Variants in CS observed in about 807,000 individuals in gnomAD.
CS encodes citrate synthase, mitochondrial.
CS carries 13 observed loss-of-function variants against 61.4 expected under a neutral mutation model. The observed-to-expected ratio is 0.21, with a 90% CI of 0.14 to 0.34. The LOEUF is 0.34. Among genes scored for constraint, CS ranks in the 10% least tolerant of loss-of-function variants. The probability of loss-of-function intolerance (pLI) is 1.00; values close to 1 mark genes in which losing one functional copy is unlikely to be tolerated. For synonymous variants in CS, 159 were observed against 215.2 expected (o/e 0.74, Z 2.29); for missense variants, 278 against 573.4 (o/e 0.48, Z 5.26).
intron 9 of CS, 155 bp from the exon 10 acceptor site, chr12:56,273,951 A>G: frequency 4.8e-6 from 3 of 624,316 alleles, no homozygotes; most frequent in Admixed American, 2.4e-5. Flanking sequence ...CTCCCACTTC[A>G]GCCTCCAGAG....
intron 1 of CS, chr12:56,291,108 G>T: frequency 2.1e-6 from 1 of 473,276 alleles, no homozygotes; most frequent in Non-Finnish European, 3.3e-6. Flanking sequence ...TTTCAGAGTA[G>T]TTAAGTAAAC....
chr12:56,298,516 G>T, intron 1 of CS: 1 of 455,064 alleles, frequency 2.2e-6, no homozygotes, highest in Non-Finnish European at 2.9e-6. Flanking sequence ...ATCTGGTCTG[G>T]GTTAGCAGCT....
At chr12:56,283,020 T>A (rs1443078049) in intron 4 of CS, 29 bp from the exon 5 acceptor site, 1 of 1,612,702 alleles carries the variant, frequency 6.2e-7, no homozygotes, top group African/African-American at 1.3e-5. Flanking sequence ...GAATTACAAC[T>A]CAAGTTTATA....
chr12:56,273,384 T>C (rs1478617402), intron 10 of CS, 130 bp from the exon 11 acceptor site: 17 of 1,063,890 alleles, frequency 1.6e-5, no homozygotes, highest in African/African-American at 4.8e-5. Context: ...CAACCTTAAA[T>C]AGAAATGACA....
At chr12:56,288,801 A>C (rs1873024587) in intron 1 of CS, among the ~76,000 whole-genome samples, 1 of 142,854 alleles carries the variant, frequency 7.0e-6, no homozygotes, top group Non-Finnish European at 1.5e-5. Context: ...GGCGCACATC[A>C]CCAAGCCCAG....
At chr12:56,278,701 C>T (rs1289894210) in intron 6 of CS, among the ~76,000 whole-genome samples, 1 of 149,832 alleles carries the variant, frequency 6.7e-6, no homozygotes, top group African/African-American at 2.5e-5. Flanking sequence ...CGTGCCACTG[C>T]ACTGCAGCCT....
Position 56,282,904 on chromosome 12 carries a change from A to C in CS, c.355T>G (p.Leu119Val). The C allele has an allele frequency of 1.2e-6, 2 of 1,614,182 alleles. No individual in the cohort carries two copies. Among genetic ancestry groups the C allele is most frequent in the Non-Finnish European group, 1.7e-6 (2 of 1,180,044 alleles). ...TGTCCAGTTACCAGCAGCCAAAATA[A>C]GCCCTCAGGCAGGGGTTCTTCCCCA... ...KGGEEPLPEG[L>V]FWLLVTGHIP... Residue 119 changes from leucine to valine, a missense_variant, in exon 5 of 11, where the codon TTA (leucine) becomes GTA (valine). Leu to Val is a conservative substitution (Grantham distance 32). Around this residue, in one of 2 missense-constraint regions of CS, gnomAD observed 223 missense variants for 503.5 expected, o/e 0.44. Transcript: ENST00000351328.
intron 1 of CS, chr12:56,291,182 A>C: frequency 9.4e-7 from 1 of 1,062,958 alleles, no homozygotes; most frequent in Non-Finnish European, 1.2e-6. Flanking sequence ...AATTCAGTAA[A>C]TATTTGTTTC....
chr12:56,286,754 G>A (rs79963328), intron 1 of CS, 109 bp from the exon 2 acceptor site: 15 of 973,876 alleles, frequency 1.5e-5, no homozygotes, highest in Non-Finnish European at 2.2e-5. Context: ...CAGTCTCTTA[G>A]GGCAGTTTGA....
chr12:56,281,984 G>A (rs1342843993), intron 6 of CS, among the ~76,000 whole-genome samples: 1 of 152,128 alleles, frequency 6.6e-6, no homozygotes, highest in Non-Finnish European at 1.5e-5. Flanking sequence ...TCAGCCTCCT[G>A]AGTAGGTGGG....
chr12:56,293,307 T>G (rs1325502731), intron 1 of CS, among the ~76,000 whole-genome samples: 1 of 152,150 alleles, frequency 6.6e-6, no homozygotes, highest in African/African-American at 2.4e-5. Flanking sequence ...CTACCACATA[T>G]CCACATAACC....
chr12:56,294,973 C>G (rs1471602446), intron 1 of CS, among the ~76,000 whole-genome samples: 1 of 151,714 alleles, frequency 6.6e-6, no homozygotes, highest in Admixed American at 6.6e-5. Flanking sequence ...ACCATGTTGG[C>G]CAGGCTGGTC....
At chr12:56,291,551 G>C (rs1436969736) in intron 1 of CS, 1 of 159,060 alleles carries the variant, frequency 6.3e-6, no homozygotes, top group South Asian at 1.7e-4. Flanking sequence ...TCTACCCCGT[G>C]GCTGCCAAAG....
chr12:56,282,870 G>A lies in CS; in HGVS notation c.389C>T (p.Thr130Ile). ...FWLLVTGHIP[T>I]EEQVSWLSKE... Reference sequence around the variant, plus strand: ...ATCCTTCTGCTTTACCTGTTCCTCTGTTGGGATATGTCCAGTTACCAGCAG... The same window carrying A: ...ATCCTTCTGCTTTACCTGTTCCTCTATTGGGATATGTCCAGTTACCAGCAG... Residue 130 changes from threonine to isoleucine, a missense_variant, in exon 5 of 11, where the codon ACA becomes ATA. By Grantham distance (89) the Thr-to-Ile change is moderately conservative. Around this residue, in one of 2 missense-constraint regions of CS, gnomAD observed 223 missense variants for 503.5 expected, o/e 0.44. Coordinates refer to ENST00000351328, the MANE Select transcript of CS (RefSeq NM_004077.3). 6.2e-7 allele frequency: 1 copy of A among 1,614,206 alleles called. No homozygotes were observed. The highest frequency in any genetic ancestry group is 8.5e-7 in the Non-Finnish European group (1 of 1,180,046).
intron 1 of CS, 138 bp downstream of exon 1, chr12:56,300,022 C>T (rs933204452): frequency 3.9e-5 from 30 of 773,256 alleles, no homozygotes; most frequent in Non-Finnish European, 5.0e-5. Context: ...TCACGCAGGG[C>T]TGGCGGCCAG....
At chr12:56,286,232 T>C (rs543719778) in intron 2 of CS, 5 of 573,614 alleles carry the variant, frequency 8.7e-6, no homozygotes, top group South Asian at 2.2e-5. Context: ...TTTCTCGGTT[T>C]GGGCAGACAA....
chr12:56,291,765 G>A (rs1282194684), intron 1 of CS: 1 of 152,240 alleles, frequency 6.6e-6, no homozygotes, highest in African/African-American at 2.4e-5. Context: ...AGGAGAATCA[G>A]GCAGTCATCT....
chr12:56,283,715 C>T, intron 4 of CS, 77 bp downstream of exon 4: 1 of 1,073,918 alleles, frequency 9.3e-7, no homozygotes, highest in Non-Finnish European at 1.4e-6. Flanking sequence ...TTGTGCTTAC[C>T]CTTACTGGTC....
At chr12:56,286,280 A>AT (rs1353831204) in intron 2 of CS, 3 of 553,966 alleles carry the variant, frequency 5.4e-6, no homozygotes, top group African/African-American at 3.8e-5. Context: ...TAATGTAAAC[A>AT]TATCTACTGC....
Sources: allele counts gnomAD v4.1 joint callset (sites outside exome capture counted in the v4.1 genomes callset), GRCh38; gene constraint gnomAD v4.1.1; regional missense constraint gnomAD v4.1.1; transcripts MANE v1.5; gene names NCBI Gene and HGNC (gene_info 2026-07-23, HGNC 2026-07-21).